The following CLIP1 variants were observed in gnomAD, a reference collection of about 807,000 sequenced individuals.
CLIP1 encodes CAP-Gly domain-containing linker protein 1.
Under a neutral mutation model 161.6 loss-of-function variants are expected in CLIP1, and 66 were observed. The ratio of observed to expected loss-of-function variants is 0.41; its 90% CI spans 0.33 to 0.50. CLIP1 has a LOEUF of 0.50. CLIP1 is among the 20% of genes least tolerant of loss of function. The pLI is 0.27. For missense variants in CLIP1, 1,376 were observed against 1,702.0 expected, an observed-to-expected ratio of 0.81 and a Z score of 3.37; for synonymous variants, 598 against 626.2, an observed-to-expected ratio of 0.96 and a Z score of 0.67.
At chr12:122,325,676 G>C (rs1400162607) in intron 17 of CLIP1, among the ~76,000 whole-genome samples, 1 of 150,416 alleles carries the variant, frequency 6.6e-6, no homozygotes, top group African/African-American at 2.4e-5. Flanking sequence ...TATTTTTTGA[G>C]ACAGTCTCAC....
intron 11 of CLIP1, among the ~76,000 whole-genome samples, chr12:122,337,085 C>T (rs1485200814): frequency 6.6e-6 from 1 of 151,644 alleles, no homozygotes; most frequent in Admixed American, 6.6e-5. Context: ...TCTTCCAGCA[C>T]CAGCCTCCTA....
At chr12:122,413,925 G>C (rs1376867599) in intron 1 of CLIP1, among the ~76,000 whole-genome samples, 1 of 151,434 alleles carries the variant, frequency 6.6e-6, no homozygotes, top group Non-Finnish European at 1.5e-5. Context: ...CTTGGTACTT[G>C]GTGCCAGGGC....
rs1398623517 is a variant in CLIP1, at chr12:122,271,605, G to A, written c.*1270C>T. On this transcript the variant is annotated 3_prime_UTR_variant, in exon 26 of 26. Coordinates refer to ENST00000620786, the MANE Select transcript of CLIP1 (RefSeq NM_001247997.2). The stretch of plus-strand genomic sequence containing the variant: ...GAACACACAGTTGATAATCTTGAGG[G>A]GAAAATACATCAAAGGCATATATAC... 3.9e-5 allele frequency: 6 copies of A among 152,406 alleles called. No individual in the cohort carries two copies. Among genetic ancestry groups the A allele is most frequent in the African/African-American group, 1.5e-4 (6 of 41,338 alleles). The allele number at this position is 152,406 out of a possible 1,614,324, so 9.4% of individuals were successfully genotyped here.
chr12:122,317,702 T>G (rs562578820), intron 18 of CLIP1, among the ~76,000 whole-genome samples: 1 of 152,334 alleles, frequency 6.6e-6, no homozygotes, highest in Admixed American at 6.5e-5. Flanking sequence ...GCTATCTCCT[T>G]TTGCCATGCC....
At chr12:122,324,514 T>C (rs1298816915) in intron 17 of CLIP1, among the ~76,000 whole-genome samples, 2 of 152,154 alleles carry the variant, frequency 1.3e-5, no homozygotes, top group Non-Finnish European at 2.9e-5. Context: ...AGAAACTATC[T>C]GAATAACAAG....
intron 1 of CLIP1, among the ~76,000 whole-genome samples, chr12:122,387,584 ATATATATTTT>A (rs1955373188): frequency 3.1e-4 from 1 of 3,264 alleles, no homozygotes; most frequent in East Asian, 0.013. Flanking sequence ...ATATATATAT[ATATATATTTT>A]TTTTTTTTTT....
chr12:122,331,203 G>A (rs562962682), intron 15 of CLIP1, among the ~76,000 whole-genome samples: 3 of 151,588 alleles, frequency 2.0e-5, no homozygotes, highest in Admixed American at 6.6e-5. Flanking sequence ...TAGTAGAGAC[G>A]GGGTTTTCCA....
At chr12:122,358,787 C>T (rs1953633598) in intron 5 of CLIP1, among the ~76,000 whole-genome samples, 1 of 151,210 alleles carries the variant, frequency 6.6e-6, no homozygotes, top group Non-Finnish European at 1.5e-5. Context: ...GGTGTGGTGG[C>T]TCACGCCTCA....
chr12:122,417,307 C>T (rs1956789367), intron 1 of CLIP1, among the ~76,000 whole-genome samples: 1 of 151,188 alleles, frequency 6.6e-6, no homozygotes, highest in Admixed American at 6.6e-5. Flanking sequence ...AAAAACAAAA[C>T]AAAACAAAAC....
intron 20 of CLIP1, among the ~76,000 whole-genome samples, chr12:122,299,001 G>T (rs1209382609): frequency 6.6e-6 from 1 of 152,176 alleles, no homozygotes; most frequent in African/African-American, 2.4e-5. Context: ...CAGGGCGGGG[G>T]TATCGTGACT....
In CLIP1 at chr12:122,341,685, A is replaced by T; in HGVS notation, c.1519T>A (p.Ser507Thr). The change falls in exon 11 of 26, where the codon TCA becomes ACA. Residue 507 changes from serine to threonine, a missense_variant. By Grantham distance (58) the Ser-to-Thr change is moderately conservative. Transcript: ENST00000620786. ...AGTTCCATTATACGTGACTTTTCTG[A>T]AACTGTAGCCACCTATTAACAGCAG... is the stretch of plus-strand genomic sequence containing the variant. Reference protein sequence around the residue: ...ELEDTRVATVSEKSRIMELEK... With the variant: ...ELEDTRVATVTEKSRIMELEK... 1.9e-6 allele frequency: 3 copies of T among 1,564,862 alleles called. No homozygotes were observed. The highest frequency in any genetic ancestry group is 2.6e-6 in the Non-Finnish European group (3 of 1,154,162).
chr12:122,400,152 A>C (rs993702808), intron 1 of CLIP1: 1 of 152,160 alleles, frequency 6.6e-6, no homozygotes, highest in Admixed American at 6.6e-5. Context: ...GACCTTTCCA[A>C]ATTGACTTGT....
intron 1 of CLIP1, among the ~76,000 whole-genome samples, chr12:122,420,891 C>T (rs1335526264): frequency 6.6e-6 from 1 of 151,690 alleles, no homozygotes; most frequent in Admixed American, 6.6e-5. Flanking sequence ...GCTGAGATCA[C>T]GCCACTGCAC....
intron 1 of CLIP1, chr12:122,396,480 G>T (rs1168093145): frequency 1.3e-5 from 2 of 152,092 alleles, no homozygotes; most frequent in African/African-American, 4.8e-5. Flanking sequence ...CTGTAACAGG[G>T]ACTCAGAACA....
chr12:122,278,840 A>G lies in CLIP1; in HGVS notation c.3868T>C (p.Leu1290=). The G allele has an allele frequency of 1.2e-6, 2 of 1,610,964 alleles. No individual in the cohort carries two copies. The highest frequency in any genetic ancestry group is 8.5e-7 in the Non-Finnish European group (1 of 1,179,014). ...TTGTTTTCTTTGAGTTGAAGCTCCA[A>G]GTTCTTTACCTTGAGCTCGAGCTTC... The part of the protein sequence containing the change: ...KVKLELKVKN[L]ELQLKENKRQ... Residue 1290 remains leucine, a synonymous_variant, in exon 23 of 26, where the codon TTG becomes CTG. Transcript: ENST00000620786.
At chr12:122,327,864 C>A in intron 17 of CLIP1, 83 bp downstream of exon 17, 3 of 1,313,258 alleles carry the variant, frequency 2.3e-6, no homozygotes, top group South Asian at 1.3e-5. Context: ...TTCCCACTGG[C>A]TGCTGCTTTC....
intron 23 of CLIP1, 34 bp downstream of exon 23, chr12:122,278,758 G>A: frequency 6.5e-7 from 1 of 1,544,220 alleles, no homozygotes; most frequent in Non-Finnish European, 8.7e-7. Context: ...AGGACGCGGG[G>A]TGTACAGAGA....
Position 122,341,021 on chromosome 12 carries a change from A to G in CLIP1, c.2183T>C (p.Met728Thr). ...DKAEDQHLVEMEDTLNKLQEA... is the reference protein window; with the variant it reads ...DKAEDQHLVETEDTLNKLQEA... The stretch of plus-strand genomic sequence containing the variant: ...CTGTAATTTGTTTAACGTGTCTTCC[A>G]TTTCTACGAGATGCTGGTCTTCTGC... The change falls in exon 11 of 26, where the codon ATG (methionine) becomes ACG (threonine). Residue 728 changes from methionine to threonine, a missense_variant. Physicochemically the swap from Met to Thr is moderately conservative, Grantham distance 81. Transcript: ENST00000620786. 1 of 1,613,920 alleles carries G rather than the reference A, an allele frequency of 6.2e-7. No homozygotes were observed. The highest frequency in any genetic ancestry group is 8.5e-7 in the Non-Finnish European group (1 of 1,180,004).
intron 1 of CLIP1, among the ~76,000 whole-genome samples, chr12:122,388,702 G>A (rs1955444276): frequency 6.6e-6 from 1 of 152,106 alleles, no homozygotes; most frequent in African/African-American, 2.4e-5. Flanking sequence ...CTGAGTAGCT[G>A]GGACTACAGG....
Sources: gnomAD v4.1 joint callset for allele counts (sites outside exome capture counted in the v4.1 genomes callset) on GRCh38, gnomAD v4.1.1 for gene constraint, MANE v1.5 for transcripts, NCBI Gene and HGNC (gene_info 2026-07-23, HGNC 2026-07-21) for gene names.